Variants in SEMA6A observed in about 807,000 individuals in gnomAD.
SEMA6A encodes semaphorin-6A.
In SEMA6A, 25 loss-of-function variants were observed where a neutral mutation model predicts 96.8. The observed-to-expected ratio is 0.26, with a 90% CI of 0.19 to 0.36. The LOEUF is 0.36. Among genes scored for constraint, SEMA6A ranks in the 10% least tolerant of loss-of-function variants. The pLI is 1.00. For missense variants in SEMA6A, 1,363 were observed against 1,323.1 expected (o/e 1.03, Z -0.47); for synonymous variants, 612 against 518.0 (o/e 1.18, Z -2.46).
chr5:116,481,117 C>T (rs905295683), intron 11 of SEMA6A, among the ~76,000 whole-genome samples: 1 of 152,176 alleles, frequency 6.6e-6, no homozygotes, highest in Non-Finnish European at 1.5e-5. Flanking sequence ...CGTAGAGCAT[C>T]CTGACTGCTG....
At chr5:116,549,181 G>A (rs1018064273) in intron 1 of SEMA6A, among the ~76,000 whole-genome samples, 2 of 152,082 alleles carry the variant, frequency 1.3e-5, no homozygotes, top group Non-Finnish European at 2.9e-5. Context: ...TACTTTACAA[G>A]TCTTTATAAG....
chr5:116,447,879 TTCACCTTGTTAATTAATAAC>T, intron 18 of SEMA6A, 68 bp from the exon 19 acceptor site: 1 of 1,292,602 alleles, frequency 7.7e-7, no homozygotes, highest in East Asian at 2.5e-5. Flanking sequence ...TTGCTTGGCA[TTCACCTTGTTAATTAATAAC>T]AGTAGTAAGT....
At position 116,504,853 on chromosome 5, in the gene SEMA6A, T is replaced by C. The variant is rs1758068481; in HGVS notation, c.92A>G (p.His31Arg). The C allele has an allele frequency of 5.6e-6, 9 of 1,597,252 alleles. No individual in the cohort carries two copies. Among genetic ancestry groups the C allele is most frequent in the African/African-American group, 1.3e-5 (1 of 74,658 alleles). The change falls in exon 2 of 19, where the codon CAT becomes CGT. Residue 31 changes from histidine to arginine, a missense_variant. By Grantham distance (29) the His-to-Arg change is conservative. Transcript: ENST00000343348. ...PEDSEPISIS[H>R]GNYTKQYPVF... Reference sequence around the variant, plus strand: ...AGACCATGGGTACTTACAGTTGCCATGCGAAATACTGATTGGCTCAGAATC... The same window carrying C: ...AGACCATGGGTACTTACAGTTGCCACGCGAAATACTGATTGGCTCAGAATC...
chr5:116,462,184 G>C (rs73270746), intron 18 of SEMA6A, among the ~76,000 whole-genome samples: 8 of 152,204 alleles, frequency 5.3e-5, no homozygotes, highest in African/African-American at 1.9e-4. Context: ...GTGTTAAAAT[G>C]TAAGAGTAAC....
intron 18 of SEMA6A, among the ~76,000 whole-genome samples, chr5:116,454,739 G>A (rs1204028623): frequency 6.6e-6 from 1 of 152,084 alleles, no homozygotes; most frequent in African/African-American, 2.4e-5. Flanking sequence ...CATGCCAGCA[G>A]CCATGGAAAT....
chr5:116,520,497 T>A (rs1296884622), intron 1 of SEMA6A, among the ~76,000 whole-genome samples: 1 of 152,114 alleles, frequency 6.6e-6, no homozygotes, highest in Non-Finnish European at 1.5e-5. Context: ...ATCAGGACAA[T>A]TTCTGAAAAA....
At chr5:116,480,692 T>C (rs981001651) in intron 11 of SEMA6A, among the ~76,000 whole-genome samples, 1 of 150,996 alleles carries the variant, frequency 6.6e-6, no homozygotes, top group African/African-American at 2.5e-5. Context: ...TTTTCGCAAG[T>C]GTAGAAAGAA....
intron 18 of SEMA6A, among the ~76,000 whole-genome samples, chr5:116,451,938 C>CA (rs1252850011): frequency 1.3e-5 from 2 of 151,348 alleles, no homozygotes; most frequent in African/African-American, 4.9e-5. Context: ...TTTACAACAA[C>CA]AGAGTGCCCC....
At chr5:116,545,430 C>A (rs1252580830) in intron 1 of SEMA6A, among the ~76,000 whole-genome samples, 1 of 151,952 alleles carries the variant, frequency 6.6e-6, no homozygotes, top group African/African-American at 2.4e-5. Context: ...ATTACCCAGG[C>A]GTGGTGGCAG....
rs147322847 is a variant in SEMA6A, at chr5:116,514,215, T to C, written c.-38-9233A>G. ...TCTTTGAGCAATCACTACACTGTCT[T>C]CCAGAATGGTTGAACTAATTTACAC... On this transcript the variant is annotated intron_variant, in intron 1 of 18. Transcript: ENST00000343348. Among the ~76,000 whole-genome samples, 415 of 152,332 alleles carry C rather than the reference T, an allele frequency of 2.7e-3. 3 individuals are homozygous for C. The highest frequency in any genetic ancestry group is 9.5e-3 in the African/African-American group (396 of 41,568).
intron 1 of SEMA6A, among the ~76,000 whole-genome samples, chr5:116,512,301 A>C (rs1265055371): frequency 2.6e-5 from 4 of 152,208 alleles, no homozygotes; most frequent in African/African-American, 9.6e-5. Flanking sequence ...ATTAAGATAT[A>C]AGGTTCGGGC....
intron 2 of SEMA6A, among the ~76,000 whole-genome samples, chr5:116,503,354 G>A (rs1011790851): frequency 2.6e-5 from 4 of 152,132 alleles, no homozygotes; most frequent in African/African-American, 4.8e-5. Flanking sequence ...TTACAAGGGA[G>A]CTTGGTATAA....
Position 116,447,805 on chromosome 5 carries a change from A to AAG in SEMA6A, c.1900_1901insCT (p.Ile634ThrfsTer67), listed in dbSNP as rs1468407926. 1.0e-5 allele frequency: 16 copies of AAG among 1,594,706 alleles called. No homozygotes were observed. Among genetic ancestry groups the AAG allele is most frequent in the Non-Finnish European group, 1.3e-5 (15 of 1,167,222 alleles). On this transcript the variant is annotated frameshift_variant, in exon 19 of 19. Transcript: ENST00000343348. LOFTEE classifies it high-confidence loss of function. ...GTGGCCTTTGAGGTAACTTTCCCGAATCACTCCTGCAATAGACATCGCATA... is the reference window on the plus strand; with the variant it reads ...GTGGCCTTTGAGGTAACTTTCCCGAAAGTCACTCCTGCAATAGACATCGCATA...
intron 1 of SEMA6A, among the ~76,000 whole-genome samples, chr5:116,544,153 T>G (rs563408981): frequency 2.6e-4 from 40 of 152,342 alleles, no homozygotes; most frequent in African/African-American, 9.4e-4. Flanking sequence ...CTAGGATCAC[T>G]GAGACATTTC....
In SEMA6A at chr5:116,486,769, C is replaced by T. The variant is rs767511346; in HGVS notation, c.942G>A (p.Thr314=). Reference sequence around the variant, plus strand: ...ATTACCTGTTATAAGGTGTAGAAAACGTTGCCAGGACAACATCACGCCCGT... The same window carrying T: ...ATTACCTGTTATAAGGTGTAGAAAATGTTGCCAGGACAACATCACGCCCGT... The part of the protein sequence containing the change: ...RINGRDVVLA[T]FSTPYNSIPG... The change falls in exon 10 of 19, where the codon ACG becomes ACA. Residue 314 remains threonine, a synonymous_variant. Transcript: ENST00000343348. 2.5e-5 allele frequency: 41 copies of T among 1,613,588 alleles called. 1 individual carries two copies. In the Admixed American group the frequency reaches 3.3e-4, roughly 13 times the overall value.
chr5:116,462,588 C>A lies in SEMA6A; in HGVS notation c.1894+4995G>T, dbSNP rs540586511. ...TTAAATTTCTATTTCATGAAACTTT[C>A]CATCCCCAAACACAAAGCTCAGTAG... On this transcript the variant is annotated intron_variant, in intron 18 of 18. Coordinates refer to ENST00000343348, the MANE Select transcript of SEMA6A (RefSeq NM_020796.5). 5.3e-5 allele frequency among the ~76,000 whole-genome samples: 8 copies of A among 152,242 alleles called. No homozygotes were observed. In the South Asian group the frequency reaches 1.7e-3, roughly 32 times the overall value.
At chr5:116,554,924 G>A (rs1377466434) in intron 1 of SEMA6A, 1 of 152,196 alleles carries the variant, frequency 6.6e-6, no homozygotes, top group Non-Finnish European at 1.5e-5. Context: ...GCCAATTAGT[G>A]CCTATTTTGA....
At chr5:116,529,523 C>A (rs957034454) in intron 1 of SEMA6A, among the ~76,000 whole-genome samples, 6 of 151,930 alleles carry the variant, frequency 3.9e-5, no homozygotes, top group Admixed American at 1.3e-4. Flanking sequence ...TAAATATGTA[C>A]AATTTTTATG....
intron 1 of SEMA6A, among the ~76,000 whole-genome samples, chr5:116,515,151 A>C (rs546726076): frequency 6.6e-6 from 1 of 152,180 alleles, no homozygotes; most frequent in African/African-American, 2.4e-5. Flanking sequence ...AGCGTGTTAA[A>C]ACAGACAACT....
Sources: allele counts gnomAD v4.1 joint callset (sites outside exome capture counted in the v4.1 genomes callset), GRCh38; gene constraint gnomAD v4.1.1; transcripts MANE v1.5; gene names NCBI Gene and HGNC (gene_info 2026-07-23, HGNC 2026-07-21).